The following CDKAL1 variants were observed in gnomAD, a reference collection of about 807,000 sequenced individuals.
CDKAL1 encodes CDKAL1 threonylcarbamoyladenosine tRNA methylthiotransferase.
A neutral mutation model predicts 68.2 loss-of-function variants in CDKAL1; 32 were observed. The ratio of observed to expected loss-of-function variants is 0.47; its 90% CI spans 0.35 to 0.63. The LOEUF is 0.63. Ranked by LOEUF, CDKAL1 falls within the 30% of genes least tolerant of loss-of-function variation. CDKAL1 has a pLI of 0.00. For missense variants in CDKAL1, 606 were observed against 696.7 expected, an observed-to-expected ratio of 0.87 and a Z score of 1.47; for synonymous variants, 234 against 244.3, an observed-to-expected ratio of 0.96 and a Z score of 0.39.
At chr6:20,936,508 C>A (rs1763722039) in intron 9 of CDKAL1, among the ~76,000 whole-genome samples, 1 of 151,518 alleles carries the variant, frequency 6.6e-6, no homozygotes, top group South Asian at 2.1e-4. Flanking sequence ...CCTCGGCCTC[C>A]CAAAGTGCTG....
chr6:20,590,194 C>T (rs1009453263), intron 4 of CDKAL1, among the ~76,000 whole-genome samples: 3 of 152,110 alleles, frequency 2.0e-5, no homozygotes, highest in African/African-American at 7.2e-5. Flanking sequence ...ATATGACTGT[C>T]CCCAGGTTAC....
At chr6:21,062,500 A>G (rs11969047) in intron 11 of CDKAL1, among the ~76,000 whole-genome samples, 36,653 of 152,136 alleles carry the variant, frequency 0.24, 5,061 homozygotes, top group African/African-American at 0.38. Flanking sequence ...CTTTAAAGAA[A>G]AAAATATGTT....
chr6:20,906,474 G>A (rs1229976916), intron 9 of CDKAL1, among the ~76,000 whole-genome samples: 1 of 152,002 alleles, frequency 6.6e-6, no homozygotes, highest in African/African-American at 2.4e-5. Context: ...AACTTATGAT[G>A]GGGCTACTTC....
At chr6:21,206,948 A>C (rs930221090) in intron 15 of CDKAL1, among the ~76,000 whole-genome samples, 29 of 150,004 alleles carry the variant, frequency 1.9e-4, no homozygotes, top group Non-Finnish European at 3.3e-4. Flanking sequence ...TTCTTTTTAG[A>C]CAGAGTCTCA....
At chr6:21,171,635 C>T (rs1015285001) in intron 13 of CDKAL1, among the ~76,000 whole-genome samples, 3 of 152,158 alleles carry the variant, frequency 2.0e-5, no homozygotes, top group Non-Finnish European at 4.4e-5. Context: ...AACTATTCCA[C>T]TATTGTTGAG....
Position 21,036,465 on chromosome 6 carries a change from C to A in CDKAL1, c.1056-28583C>A, listed in dbSNP as rs150332352. ...TGTTTCTGACAAAAATTTGTAGAAG[C>A]GATGGAAGTTAAGTCTTTGAGAATG... On this transcript the variant is annotated intron_variant, in intron 11 of 15. Transcript: ENST00000274695. Among the ~76,000 whole-genome samples the A allele has an allele frequency of 3.3e-5, 5 of 152,118 alleles. No individual in the cohort carries two copies. The East Asian group carries it at 9.6e-4, about 29-fold the overall frequency.
intron 8 of CDKAL1, among the ~76,000 whole-genome samples, chr6:20,790,316 A>G (rs928956226): frequency 2.6e-5 from 4 of 152,146 alleles, no homozygotes; most frequent in Non-Finnish European, 5.9e-5. Context: ...AAAATATCTT[A>G]TAGGTGGATT....
At chr6:20,598,010 C>G (rs1183257031) in intron 4 of CDKAL1, among the ~76,000 whole-genome samples, 3 of 152,188 alleles carry the variant, frequency 2.0e-5, no homozygotes, top group Non-Finnish European at 2.9e-5. Flanking sequence ...CATTTTCTCT[C>G]TCTTTTATCT....
intron 10 of CDKAL1, among the ~76,000 whole-genome samples, chr6:20,997,043 T>C (rs969300526): frequency 5.3e-5 from 8 of 152,234 alleles, no homozygotes; most frequent in African/African-American, 1.9e-4. Flanking sequence ...TATGTTGATG[T>C]AGTTGTAACC....
At chr6:20,819,984 A>G (rs1777209797) in intron 8 of CDKAL1, among the ~76,000 whole-genome samples, 1 of 152,186 alleles carries the variant, frequency 6.6e-6, no homozygotes, top group African/African-American at 2.4e-5. Flanking sequence ...ACTACGTAGA[A>G]GAGGCTTTCT....
chr6:20,820,991 G>T (rs1307634472), intron 8 of CDKAL1, among the ~76,000 whole-genome samples: 2 of 151,960 alleles, frequency 1.3e-5, no homozygotes, highest in Non-Finnish European at 2.9e-5. Context: ...GTGATGTTTG[G>T]TCTGAAATAT....
intron 4 of CDKAL1, 89 bp downstream of exon 4, chr6:20,548,794 A>G (rs1218302910): frequency 8.2e-6 from 5 of 608,950 alleles, no homozygotes; most frequent in Non-Finnish European, 1.5e-5. Flanking sequence ...AGGGTATTTT[A>G]GCATGACAGT....
chr6:21,120,196 A>C (rs1047466709), intron 13 of CDKAL1, among the ~76,000 whole-genome samples: 1 of 152,246 alleles, frequency 6.6e-6, no homozygotes, highest in African/African-American at 2.4e-5. Context: ...CTTACAATCC[A>C]TTGGGGCAGG....
intron 4 of CDKAL1, among the ~76,000 whole-genome samples, chr6:20,643,841 T>C (rs1004151148): frequency 2.0e-5 from 3 of 152,230 alleles, no homozygotes; most frequent in Non-Finnish European, 4.4e-5. Context: ...CCTTCTTTTT[T>C]TGAGACAGAA....
intron 4 of CDKAL1, among the ~76,000 whole-genome samples, chr6:20,609,401 C>CTTTTTT (rs1168736535): frequency 2.0e-5 from 1 of 49,762 alleles, no homozygotes; most frequent in South Asian, 5.9e-4. Flanking sequence ...TCTTCTTCTT[C>CTTTTTT]TTTTTTTTTT....
intron 4 of CDKAL1, among the ~76,000 whole-genome samples, chr6:20,648,937 A>G (rs181628704): frequency 2.0e-5 from 3 of 152,334 alleles, no homozygotes; most frequent in Admixed American, 6.5e-5. Flanking sequence ...TGCCTGAAAA[A>G]GCTTAACACA....
chr6:20,773,277 C>T (rs1775022708), intron 7 of CDKAL1, among the ~76,000 whole-genome samples: 1 of 152,020 alleles, frequency 6.6e-6, no homozygotes, highest in Non-Finnish European at 1.5e-5. Flanking sequence ...AGTGTGAATA[C>T]CTACCTTTTT....
chr6:21,084,495 C>A (rs1407651452), intron 12 of CDKAL1, among the ~76,000 whole-genome samples: 1 of 152,104 alleles, frequency 6.6e-6, no homozygotes, highest in African/African-American at 2.4e-5. Flanking sequence ...ATTCGTAGGT[C>A]ATAAGTGAAC....
At chr6:20,615,735 GT>G (rs1340369555) in intron 4 of CDKAL1, among the ~76,000 whole-genome samples, 3 of 138,706 alleles carry the variant, frequency 2.2e-5, no homozygotes, top group African/African-American at 7.8e-5. Context: ...TAGGTTGCCT[GT>G]TCACTCTGAT....
Sources: gnomAD v4.1 joint callset for allele counts (sites outside exome capture counted in the v4.1 genomes callset) on GRCh38, gnomAD v4.1.1 for gene constraint, MANE v1.5 for transcripts, NCBI Gene and HGNC (gene_info 2026-07-23, HGNC 2026-07-21) for gene names.